IDH3A: variants seen among roughly 807,000 people sequenced by gnomAD.
IDH3A encodes isocitrate dehydrogenase (NAD(+)) 3 catalytic subunit alpha.
A neutral mutation model predicts 43.3 loss-of-function variants in IDH3A; 23 were observed. The ratio of observed to expected loss-of-function variants is 0.53; its 90% CI spans 0.38 to 0.75. The LOEUF is 0.75. IDH3A is among the 30% of genes least tolerant of loss of function. The pLI is 0.00. For synonymous variants in IDH3A, 154 were observed against 163.5 expected, an observed-to-expected ratio of 0.94 and a Z score of 0.44; for missense variants, 329 against 474.4, an observed-to-expected ratio of 0.69 and a Z score of 2.85.
At chr15:78,157,454 T>C in intron 2 of IDH3A, 94 bp from the exon 3 acceptor site, 1 of 849,204 alleles carries the variant, frequency 1.2e-6, no homozygotes, top group Non-Finnish European at 1.8e-6. Flanking sequence ...TCCTGAGACA[T>C]CTCATAAAGT....
Position 78,170,163 on chromosome 15 carries a change from AG to A in IDH3A, c.*1160del, listed in dbSNP as rs1358869054. The stretch of plus-strand genomic sequence containing the variant: ...GGCTTGGGCTCAGCTTTTGACCCTC[AG>A]GCATCTCCTTTCCCTTCCTGTCTTC... On this transcript the variant is annotated 3_prime_UTR_variant, in exon 11 of 11. Transcript: ENST00000299518. The A allele has an allele frequency of 2.0e-5, 3 of 152,294 alleles. No individual in the cohort carries two copies. Among genetic ancestry groups the A allele is most frequent in the East Asian group, 1.9e-4 (1 of 5,194 alleles). The allele number at this position is 152,294 out of a possible 1,614,324, so 9.4% of individuals were successfully genotyped here.
intron 2 of IDH3A, among the ~76,000 whole-genome samples, chr15:78,156,617 G>C (rs11854120): frequency 0.064 from 9,684 of 152,284 alleles, 361 homozygotes; most frequent in South Asian, 0.19. Flanking sequence ...AAGGAAACTT[G>C]AATTAGTGAC....
rs559674479 is a variant in IDH3A at position 78,169,254 on chromosome 15, C to T, written c.*249C>T. 6.4e-6 allele frequency: 2 copies of T among 311,366 alleles called. No individual in the cohort carries two copies. The highest frequency in any genetic ancestry group is 2.1e-5 in the African/African-American group (1 of 46,766). The allele number at this position is 311,366 out of a possible 1,614,324, so 19.3% of individuals were successfully genotyped here. On this transcript the variant is annotated 3_prime_UTR_variant, in exon 11 of 11. Transcript: ENST00000299518. Reference sequence around the variant, plus strand: ...ACCTGGTAAATGTTTTTTTTGTAAACTCTGAGTGGACTGTATCATTTGCTA... The same window carrying T: ...ACCTGGTAAATGTTTTTTTTGTAAATTCTGAGTGGACTGTATCATTTGCTA...
intron 1 of IDH3A, among the ~76,000 whole-genome samples, chr15:78,152,424 G>A (rs112842611): frequency 0.064 from 9,124 of 142,154 alleles, 327 homozygotes; most frequent in South Asian, 0.19. Flanking sequence ...GCAATGGCGC[G>A]ATCTTGGCTC....
chr15:78,159,976 C>A (rs2074664920), intron 3 of IDH3A, 116 bp from the exon 4 acceptor site: 6 of 665,650 alleles, frequency 9.0e-6, no homozygotes, highest in Non-Finnish European at 1.4e-5. Flanking sequence ...GCCTAGGCGA[C>A]AGAGCGGGAC....
intron 3 of IDH3A, 188 bp from the exon 4 acceptor site, chr15:78,159,904 A>C (rs368526663): frequency 5.6e-5 from 29 of 517,032 alleles, no homozygotes; most frequent in East Asian, 3.8e-4. Flanking sequence ...CTGAGGCATG[A>C]GAATCGCTGG....
Position 78,161,433 on chromosome 15 carries a change from G to T in IDH3A, c.290-148G>T, listed in dbSNP as rs1357148139. 3.2e-5 allele frequency: 20 copies of T among 621,124 alleles called. 1 individual carries two copies. The highest frequency in any genetic ancestry group is 5.7e-5 in the Admixed American group (2 of 34,844). 38.5% of individuals were successfully genotyped at this position (621,124 alleles called of 1,614,324 possible). On this transcript the variant is annotated intron_variant, in intron 4 of 10. Coordinates refer to ENST00000299518, the MANE Select transcript of IDH3A (RefSeq NM_005530.3). This position sits in a 1 kb window ranked among gnomAD's most constrained non-coding sequence, Gnocchi z 4.8. ...AGTTAATGTTCCAGAAAGCTCCCGT[G>T]AGGAAGTGTTCCTCCTTCATTTGAA...
intron 9 of IDH3A, 179 bp from the exon 10 acceptor site, chr15:78,165,971 G>C (rs1420567714): frequency 3.4e-6 from 2 of 593,986 alleles, no homozygotes; most frequent in Non-Finnish European, 5.9e-6. Flanking sequence ...TTACAGGTGT[G>C]AGCTATCACG....
At chr15:78,157,486 CTTT>C in intron 2 of IDH3A, 59 bp from the exon 3 acceptor site, 4 of 1,127,450 alleles carry the variant, frequency 3.5e-6, no homozygotes, top group Non-Finnish European at 5.2e-6. Context: ...TCAAAATATT[CTTT>C]TTTAAGCCTT....
intron 5 of IDH3A, 148 bp from the exon 6 acceptor site, chr15:78,162,086 C>T: frequency 1.3e-6 from 1 of 762,704 alleles, no homozygotes; most frequent in Non-Finnish European, 2.2e-6. Flanking sequence ...TAACATGAAC[C>T]CCATTGTCGT....
rs1338867080 is a variant in IDH3A, at chr15:78,161,290, TC to T, written c.290-290del. On this transcript the variant is annotated intron_variant, in intron 4 of 10. Coordinates refer to ENST00000299518, the MANE Select transcript of IDH3A (RefSeq NM_005530.3). The surrounding 1 kb of genome is among the most constrained non-coding windows in gnomAD (Gnocchi z 4.8). ...TTTATTCTTATTTTTTCTTTTTTCG[TC>T]ATTTTTAAATGACAGTAACAGAGTT... 5.9e-5 allele frequency among the ~76,000 whole-genome samples: 9 copies of T among 152,238 alleles called. No individual in the cohort carries two copies. Among genetic ancestry groups the T allele is most frequent in the Admixed American group, 4.6e-4 (7 of 15,276 alleles).
At position 78,166,288 on chromosome 15, in the gene IDH3A, A is replaced by G. The variant is rs972029227; in HGVS notation, c.1003A>G (p.Ile335Val). 6.2e-7 allele frequency: 1 copy of G among 1,614,176 alleles called. No homozygotes were observed. The highest frequency in any genetic ancestry group is 8.5e-7 in the Non-Finnish European group (1 of 1,180,010). The change falls in exon 10 of 11, where the codon ATT becomes GTT. Residue 335 changes from isoleucine (I) to valine (V), a missense_variant. Physicochemically the swap from Ile to Val is conservative, Grantham distance 29 (BLOSUM62 3). This residue lies in a region of IDH3A where 91 missense variants were observed against 111.6 expected (regional missense o/e 0.82). Transcript: ENST00000299518. ...ARIEAACFAT[I>V]KDGKSLTKDL... ...AATTGAGGCTGCGTGTTTTGCTACA[A>G]TTAAGGACGGAAAGGTAACAGGAAT... is the stretch of plus-strand genomic sequence containing the variant.
In IDH3A at chr15:78,161,521, A is replaced by T; in HGVS notation, c.290-60A>T. Reference sequence around the variant, plus strand: ...CACAAGGTAGCCGAGGTGGGTTAGTAGGTCACACGTGAGACCAGAATTCCT... The same window carrying T: ...CACAAGGTAGCCGAGGTGGGTTAGTTGGTCACACGTGAGACCAGAATTCCT... On this transcript the variant is annotated intron_variant, in intron 4 of 10. Transcript: ENST00000299518. The surrounding 1 kb of genome is among the most constrained non-coding windows in gnomAD (Gnocchi z 4.8). 1 of 1,376,468 alleles carries T rather than the reference A, an allele frequency of 7.3e-7. No homozygotes were observed. Among genetic ancestry groups the T allele is most frequent in the Non-Finnish European group, 1.0e-6 (1 of 985,734 alleles). 85.3% of individuals were successfully genotyped at this position (1,376,468 alleles called of 1,614,324 possible). A position where few individuals can be genotyped will look rare whatever the true frequency, so the allele number is the denominator to read the frequency against.
rs1032117284 is a variant in IDH3A, at chr15:78,171,207, C to T, written c.*2202C>T. ...AAGGAGAGCTGATCTCATTTGTCAC[C>T]TGAACAAAAAGCAATACTTAAACTG... On this transcript the variant is annotated 3_prime_UTR_variant, in exon 11 of 11. Coordinates refer to ENST00000299518, the MANE Select transcript of IDH3A (RefSeq NM_005530.3). The T allele has an allele frequency of 5.4e-6, 2 of 370,382 alleles. No homozygotes were observed. Among genetic ancestry groups the T allele is most frequent in the Admixed American group, 4.2e-5 (1 of 24,042 alleles). The allele number at this position is 370,382 out of a possible 1,614,324, so 22.9% of individuals were successfully genotyped here. A position where few individuals can be genotyped will look rare whatever the true frequency, so the allele number is the denominator to read the frequency against.
At position 78,169,156 on chromosome 15, in the gene IDH3A, G is replaced by A; in HGVS notation, c.*151G>A. The A allele has an allele frequency of 2.1e-6, 1 of 473,712 alleles. No homozygotes were observed. Among genetic ancestry groups the A allele is most frequent in the African/African-American group, 2.0e-5 (1 of 51,166 alleles). 29.3% of individuals were successfully genotyped at this position (473,712 alleles called of 1,614,324 possible). On this transcript the variant is annotated 3_prime_UTR_variant, in exon 11 of 11. Transcript: ENST00000299518. ...TTTTCTTAACAAAATCTGTGCAAAA[G>A]ATGCAGGTGGATGTCCCTAGGTCTG...
intron 1 of IDH3A, among the ~76,000 whole-genome samples, chr15:78,154,156 A>G (rs2074603975): frequency 6.6e-6 from 1 of 150,832 alleles, no homozygotes; most frequent in African/African-American, 2.4e-5. Flanking sequence ...TTTAAAATTT[A>G]TATTTCTGGC....
chr15:78,162,727 G>C (rs1333479242), intron 6 of IDH3A, among the ~76,000 whole-genome samples: 1 of 152,044 alleles, frequency 6.6e-6, no homozygotes, highest in African/African-American at 2.4e-5. Context: ...TGTATTTTCA[G>C]TGGAGATGGG....
intron 1 of IDH3A, among the ~76,000 whole-genome samples, chr15:78,151,923 A>G (rs919808838): frequency 3.3e-5 from 5 of 151,852 alleles, no homozygotes; most frequent in Non-Finnish European, 5.9e-5. Context: ...TTTTTTGTAG[A>G]GGTAGGGTCT....
In IDH3A at chr15:78,166,158, G is replaced by A; in HGVS notation, c.873G>A (p.Gly291=). The A allele has an allele frequency of 6.2e-7, 1 of 1,613,918 alleles. No homozygotes were observed. Among genetic ancestry groups the A allele is most frequent in the South Asian group, 1.1e-5 (1 of 91,082 alleles). Residue 291 remains glycine, a synonymous_variant, in exon 10 of 11, where the codon GGG becomes GGA. Transcript: ENST00000299518. ...CTTTTCCCGATGTGTAGGTTCATGG[G>A]ACGGCTCCAGACATTGCAGGCAAGG... is the stretch of plus-strand genomic sequence containing the variant. ...NGVAIFESVH[G]TAPDIAGKDM... is the part of the protein sequence containing the mutation.
Sources: gnomAD v4.1 joint callset for allele counts (sites outside exome capture counted in the v4.1 genomes callset) on GRCh38, gnomAD v4.1.1 for gene constraint, gnomAD v4.1.1 regional missense constraint, Gnocchi (gnomAD v3.1) non-coding constraint, MANE v1.5 for transcripts, NCBI Gene and HGNC (gene_info 2026-07-23, HGNC 2026-07-21) for gene names.